Variants in TNNI3K observed in about 807,000 individuals in gnomAD.
TNNI3K encodes the protein serine/threonine-protein kinase TNNI3K.
A neutral mutation model predicts 114.5 loss-of-function variants in TNNI3K; 140 were observed. The observed-to-expected ratio is 1.22, with a 90% CI of 1.07 to 1.41. TNNI3K has a LOEUF of 1.41. TNNI3K is among the 40% of genes most tolerant of loss of function. The pLI, the probability that TNNI3K is intolerant of heterozygous loss-of-function variation, is 0.00. For synonymous variants in TNNI3K, 347 were observed against 347.5 expected, an observed-to-expected ratio of 1.00 and a Z score of 0.02; for missense variants, 1,125 against 1,007.6, an observed-to-expected ratio of 1.12 and a Z score of -1.58.
chr1:74,359,252 G>T lies in TNNI3K; in HGVS notation c.1177+5123G>T, dbSNP rs929505516. Among the ~76,000 whole-genome samples, 5 of 151,942 alleles carry T rather than the reference G, an allele frequency of 3.3e-5. No homozygotes were observed. In the South Asian group the frequency reaches 1.0e-3, roughly 31 times the overall value. On this transcript the variant is annotated intron_variant, in intron 11 of 24. Transcript: ENST00000326637. ...TAACCACTTTACAGAATTCTGACGA[G>T]GTTTAAGGATAAGATTTAAGTGCTT... is the stretch of plus-strand genomic sequence containing the variant.
chr1:74,518,593 C>A (rs1271324321), intron 23 of TNNI3K, among the ~76,000 whole-genome samples: 1 of 152,128 alleles, frequency 6.6e-6, no homozygotes, highest in Non-Finnish European at 1.5e-5. Flanking sequence ...CTTATGGTTC[C>A]CGTGTTTCAC....
intron 4 of TNNI3K, among the ~76,000 whole-genome samples, chr1:74,266,992 CATTA>C (rs1656034562): frequency 6.6e-6 from 1 of 151,890 alleles, no homozygotes; most frequent in Admixed American, 6.6e-5. Context: ...CACACAAATA[CATTA>C]CAAAGAGCTT....
Position 74,235,429 on chromosome 1 carries a change from A to C in TNNI3K, c.-23A>C. On this transcript the variant is annotated 5_prime_UTR_variant, in exon 1 of 25. Coordinates refer to ENST00000326637, the MANE Select transcript of TNNI3K (RefSeq NM_015978.3). ...CTTATAACTTGAAGAACTGCCCTGG[A>C]GAAAGGAAGAAACTTATAATAAATG... 1 of 1,503,616 alleles carries C rather than the reference A, an allele frequency of 6.7e-7. No individual in the cohort carries two copies. Among genetic ancestry groups the C allele is most frequent in the East Asian group, 2.4e-5 (1 of 42,386 alleles). The allele number at this position is 1,503,616 out of a possible 1,614,324, so 93.1% of individuals were successfully genotyped here. A position where few individuals can be genotyped will look rare whatever the true frequency, so the allele number is the denominator to read the frequency against.
chr1:74,469,817 T>G, intron 21 of TNNI3K: 1 of 399,666 alleles, frequency 2.5e-6, no homozygotes, highest in Non-Finnish European at 4.4e-6. Context: ...CTAGTGGGTG[T>G]TTGTCCTCTT....
At chr1:74,449,149 T>C (rs1430688523) in intron 20 of TNNI3K, among the ~76,000 whole-genome samples, 1 of 151,112 alleles carries the variant, frequency 6.6e-6, no homozygotes, top group African/African-American at 2.4e-5. Context: ...GCTCCTGTTA[T>C]TGGTCTATTC....
intron 17 of TNNI3K, among the ~76,000 whole-genome samples, chr1:74,392,348 C>G (rs901288833): frequency 2.0e-5 from 3 of 152,080 alleles, no homozygotes; most frequent in Non-Finnish European, 2.9e-5. Flanking sequence ...TGGCTTAGGG[C>G]CTGGCAGAGG....
intron 21 of TNNI3K, chr1:74,475,601 A>G (rs1557591250): frequency 1.4e-6 from 1 of 717,074 alleles, no homozygotes; most frequent in Non-Finnish European, 2.6e-6. Context: ...TCTTTTCTGG[A>G]CCCCACAGTG....
At chr1:74,535,694 G>A (rs950742703) in intron 23 of TNNI3K, among the ~76,000 whole-genome samples, 5 of 152,076 alleles carry the variant, frequency 3.3e-5, no homozygotes, top group Non-Finnish European at 5.9e-5. Context: ...AGGAAATGCA[G>A]CATTTTGTTT....
intron 24 of TNNI3K, among the ~76,000 whole-genome samples, chr1:74,543,408 C>G (rs1158451455): frequency 6.6e-6 from 1 of 152,084 alleles, no homozygotes; most frequent in Non-Finnish European, 1.5e-5. Context: ...TTATAGCCAT[C>G]TTTTGTTTAG....
At chr1:74,360,193 A>G (rs17095181) in intron 11 of TNNI3K, among the ~76,000 whole-genome samples, 12,791 of 151,600 alleles carry the variant, frequency 0.084, 561 homozygotes, top group Non-Finnish European at 0.1. Context: ...TGTCCTCAGC[A>G]TTTTGAAATT....
At chr1:74,307,891 A>C (rs1156780802) in intron 5 of TNNI3K, among the ~76,000 whole-genome samples, 1 of 152,160 alleles carries the variant, frequency 6.6e-6, no homozygotes, top group Non-Finnish European at 1.5e-5. Flanking sequence ...TGAACCTGGG[A>C]GGCAGAGGTT....
chr1:74,368,111 A>G, intron 13 of TNNI3K, 147 bp downstream of exon 13: 2 of 720,574 alleles, frequency 2.8e-6, no homozygotes, highest in South Asian at 3.1e-5. Flanking sequence ...TCTTTTCATA[A>G]TTAACCTTAC....
intron 17 of TNNI3K, chr1:74,371,724 A>G (rs1662618071): frequency 6.6e-6 from 1 of 151,862 alleles, no homozygotes. Context: ...CACAGACACC[A>G]GTGAATGCTA....
chr1:74,359,550 A>G (rs758463903), intron 11 of TNNI3K, among the ~76,000 whole-genome samples: 13 of 152,018 alleles, frequency 8.6e-5, no homozygotes, highest in Non-Finnish European at 1.9e-4. Context: ...TTATGGCTCA[A>G]GTTATACCAT....
chr1:74,373,417 A>G (rs915364973), intron 17 of TNNI3K: 6 of 151,926 alleles, frequency 3.9e-5, no homozygotes, highest in African/African-American at 1.4e-4. Flanking sequence ...AGAAAGATGC[A>G]CATCAGAGAC....
intron 17 of TNNI3K, chr1:74,418,061 C>G: frequency 2.8e-6 from 1 of 361,444 alleles, no homozygotes; most frequent in South Asian, 2.0e-5. Flanking sequence ...AAAACATCAT[C>G]TGACTCTTAC....
At chr1:74,353,040 A>G (rs528419191) in intron 9 of TNNI3K, among the ~76,000 whole-genome samples, 2 of 152,290 alleles carry the variant, frequency 1.3e-5, no homozygotes, top group Middle Eastern at 3.4e-3. Context: ...CATCTTCTGC[A>G]TTGCTCATGC....
intron 5 of TNNI3K, among the ~76,000 whole-genome samples, chr1:74,314,930 T>A (rs148216478): frequency 1.0e-3 from 158 of 152,216 alleles, no homozygotes; most frequent in African/African-American, 3.7e-3. Context: ...AAAAGCAATT[T>A]GAAACTTTTG....
intron 7 of TNNI3K, among the ~76,000 whole-genome samples, chr1:74,338,593 G>T (rs977782947): frequency 6.6e-6 from 1 of 151,766 alleles, no homozygotes; most frequent in Non-Finnish European, 1.5e-5. Flanking sequence ...AAAGGACATG[G>T]TTGTCAAATC....
Sources: allele counts gnomAD v4.1 joint callset (sites outside exome capture counted in the v4.1 genomes callset), GRCh38; gene constraint gnomAD v4.1.1; transcripts MANE v1.5; gene names NCBI Gene and HGNC (gene_info 2026-07-23, HGNC 2026-07-21).